The following TSNARE1 variants were observed in gnomAD, a reference collection of about 807,000 sequenced individuals.
TSNARE1 encodes t-SNARE domain-containing protein 1.
In TSNARE1, 49 loss-of-function variants were observed where a neutral mutation model predicts 62.0. The ratio of observed to expected loss-of-function variants is 0.79; its 90% confidence interval spans 0.63 to 1.00. TSNARE1 has a LOEUF of 1.00. TSNARE1 is among the 50% of genes least tolerant of loss of function. The pLI, the probability that TSNARE1 is intolerant of heterozygous loss-of-function variation, is 0.00. For missense variants in TSNARE1, 755 were observed against 700.1 expected (o/e 1.08, Z -0.88); for synonymous variants, 328 against 294.4 (o/e 1.11, Z -1.17).
intron 1 of TSNARE1, among the ~76,000 whole-genome samples, chr8:142,380,475 T>G (rs1448056053): frequency 6.6e-6 from 1 of 152,140 alleles, no homozygotes; most frequent in African/African-American, 2.4e-5. Flanking sequence ...GGACAGACCC[T>G]GAGGCAATGT....
chr8:142,363,791 C>T lies in TSNARE1; in HGVS notation c.-39-9028G>A, dbSNP rs576079963. Among the ~76,000 whole-genome samples the T allele has an allele frequency of 7.9e-5, 12 of 152,276 alleles. No individual in the cohort carries two copies. The South Asian group carries it at 1.7e-3, about 21-fold the overall frequency. On this transcript the variant is annotated intron_variant, in intron 1 of 13. Transcript: ENST00000524325. The stretch of plus-strand genomic sequence containing the variant: ...CCCTCAGGGTGCTTTGGAAGTCAAC[C>T]GACCCAGAGATCTCAGGGTGAAGAC...
At chr8:142,258,022 T>C (rs753543732) in intron 12 of TSNARE1, among the ~76,000 whole-genome samples, 1 of 152,132 alleles carries the variant, frequency 6.6e-6, no homozygotes, top group Non-Finnish European at 1.5e-5. Flanking sequence ...CCTGTGCTTA[T>C]ACACACATGC....
At chr8:142,315,812 G>C (rs577384660) in intron 7 of TSNARE1, among the ~76,000 whole-genome samples, 134 of 152,340 alleles carry the variant, frequency 8.8e-4, no homozygotes, top group African/African-American at 3.0e-3. Context: ...GGGCTGGTCT[G>C]GGGTAAACCT....
At chr8:142,345,937 G>A (rs1370452508) in intron 2 of TSNARE1, 45 bp from the exon 3 acceptor site, 41 of 1,578,580 alleles carry the variant, frequency 2.6e-5, no homozygotes, top group Non-Finnish European at 2.8e-5. Context: ...AGCTCAGGGC[G>A]CTCCTGGCAG....
chr8:142,242,970 A>G (rs865991552), intron 12 of TSNARE1, among the ~76,000 whole-genome samples: 12 of 149,854 alleles, frequency 8.0e-5, no homozygotes, highest in Admixed American at 2.7e-4. Context: ...AAAAAAAAAA[A>G]GCTAACAGAT....
chr8:142,277,986 T>A, intron 11 of TSNARE1: 1 of 985,394 alleles, frequency 1.0e-6, no homozygotes. Flanking sequence ...ATAGGACCCT[T>A]GGCTGCAAGA....
chr8:142,376,729 G>C (rs1836372697), intron 1 of TSNARE1, among the ~76,000 whole-genome samples: 1 of 152,202 alleles, frequency 6.6e-6, no homozygotes, highest in South Asian at 2.1e-4. Flanking sequence ...AGCCCACCCA[G>C]ACACGGGACT....
chr8:142,303,040 G>A lies in TSNARE1; in HGVS notation c.1132-2396C>T, dbSNP rs185579906. The stretch of plus-strand genomic sequence containing the variant: ...TGCCATGCCCCTCCCGTGTGTGTGG[G>A]CATCTGGGGACATGGGCTGCAGGGC... On this transcript the variant is annotated intron_variant, in intron 9 of 13. Coordinates refer to ENST00000524325, the MANE Select transcript of TSNARE1 (RefSeq NM_145003.5). Among the ~76,000 whole-genome samples, 82 of 152,260 alleles carry A rather than the reference G, an allele frequency of 5.4e-4. 1 individual carries two copies. The highest frequency in any genetic ancestry group is 2.9e-3 in the Admixed American group (45 of 15,306).
chr8:142,256,048 GTCACCATCACCACCACCA>G (rs1563781927), intron 12 of TSNARE1, among the ~76,000 whole-genome samples: 1 of 4,684 alleles, frequency 2.1e-4, no homozygotes, highest in African/African-American at 7.4e-4. Flanking sequence ...CACCACCACC[GTCACCATCACCACCACCA>G]TCACCATCAC....
chr8:142,293,588 G>A (rs949436679), intron 10 of TSNARE1, among the ~76,000 whole-genome samples: 2 of 152,224 alleles, frequency 1.3e-5, no homozygotes, highest in Non-Finnish European at 2.9e-5. Context: ...TCCTGGACCA[G>A]CACCTACTTC....
chr8:142,363,811 G>A (rs1232855417), intron 1 of TSNARE1, among the ~76,000 whole-genome samples: 1 of 152,162 alleles, frequency 6.6e-6, no homozygotes, highest in Non-Finnish European at 1.5e-5. Context: ...ATCTCAGGGT[G>A]AAGACCACGC....
At chr8:142,315,209 C>A in intron 7 of TSNARE1, 117 bp from the exon 8 acceptor site, 1 of 991,254 alleles carries the variant, frequency 1.0e-6, no homozygotes, top group South Asian at 1.5e-5. Flanking sequence ...GAATGGGGCT[C>A]GCCATCAACT....
At chr8:142,316,269 G>A (rs925600607) in intron 7 of TSNARE1, among the ~76,000 whole-genome samples, 1 of 151,702 alleles carries the variant, frequency 6.6e-6, no homozygotes, top group African/African-American at 2.4e-5. Context: ...GAGGGCACAG[G>A]CCAGGGCAGC....
chr8:142,244,721 A>G (rs1361877923), intron 12 of TSNARE1, among the ~76,000 whole-genome samples: 3 of 152,242 alleles, frequency 2.0e-5, no homozygotes, highest in Non-Finnish European at 2.9e-5. Flanking sequence ...TCCATACGGA[A>G]GAGTAGCAAC....
intron 12 of TSNARE1, among the ~76,000 whole-genome samples, chr8:142,259,081 G>C (rs1032255509): frequency 6.6e-6 from 1 of 152,212 alleles, no homozygotes; most frequent in African/African-American, 2.4e-5. Flanking sequence ...AGCCCACCTT[G>C]AACCCAGGTC....
At chr8:142,406,073 C>G (rs980645083), upstream of TSNARE1, 2 of 152,292 alleles carry the variant, frequency 1.3e-5, no homozygotes, top group Non-Finnish European at 2.9e-5. Flanking sequence ...TGTGGCCACC[C>G]ACCTCACTGA....
At chr8:142,336,741 C>T (rs1831814033) in intron 4 of TSNARE1, among the ~76,000 whole-genome samples, 1 of 152,184 alleles carries the variant, frequency 6.6e-6, no homozygotes, top group Non-Finnish European at 1.5e-5. Flanking sequence ...GCACGTGGAA[C>T]ATTCACTAAG....
At chr8:142,215,111 C>T (rs1265686323) in intron 13 of TSNARE1, among the ~76,000 whole-genome samples, 1 of 152,196 alleles carries the variant, frequency 6.6e-6, no homozygotes, top group East Asian at 1.9e-4. Context: ...AGAGGTGTCC[C>T]CGGGCCCAGG....
intron 1 of TSNARE1, among the ~76,000 whole-genome samples, chr8:142,367,739 A>G (rs193040342): frequency 3.3e-4 from 50 of 152,374 alleles, no homozygotes; most frequent in Admixed American, 3.0e-3. Flanking sequence ...ACAACTGTGC[A>G]TGAAAATATA....
Sources: gnomAD v4.1 joint callset for allele counts (sites outside exome capture counted in the v4.1 genomes callset) on GRCh38, gnomAD v4.1.1 for gene constraint, MANE v1.5 for transcripts, NCBI Gene and HGNC (gene_info 2026-07-23, HGNC 2026-07-21) for gene names.